The following TFRC variants were observed in gnomAD, a reference collection of about 807,000 sequenced individuals.
TFRC encodes the protein transferrin receptor protein 1.
TFRC carries 35 observed loss-of-function variants against 85.8 expected under a neutral mutation model. The ratio of observed to expected loss-of-function variants is 0.41; its 90% CI spans 0.31 to 0.54. TFRC has a LOEUF of 0.54. Among genes scored for constraint, TFRC ranks in the 20% least tolerant of loss-of-function variants. The pLI, the probability that TFRC is intolerant of heterozygous loss-of-function variation, is 0.31. For synonymous variants in TFRC, 362 were observed against 328.6 expected (o/e 1.10, Z -1.10); for missense variants, 828 against 921.5 (o/e 0.90, Z 1.31).
Position 196,075,175 on chromosome 3 carries a change from G to A in TFRC, c.222C>T (p.Ile74=), listed in dbSNP as rs745734170. The change falls in exon 3 of 19, where the codon ATC becomes ATT. Residue 74 remains isoleucine (I), a synonymous_variant. Transcript: ENST00000360110. Reference sequence around the variant, plus strand: ...CATTCTCACCAATCAAGAAAAAGACGATCACAGCAATAGTCCCATAGCAGA... The same window carrying A: ...CATTCTCACCAATCAAGAAAAAGACAATCACAGCAATAGTCCCATAGCAGA... ...GSICYGTIAV[I]VFFLIGFMIG... 3.7e-6 allele frequency: 6 copies of A among 1,613,408 alleles called. No homozygotes were observed. The highest frequency in any genetic ancestry group is 1.1e-5 in the South Asian group (1 of 91,070).
At chr3:196,073,793 C>A in intron 4 of TFRC, 137 bp downstream of exon 4, 1 of 884,672 alleles carries the variant, frequency 1.1e-6, no homozygotes, top group Non-Finnish European at 1.6e-6. Flanking sequence ...AGGCCCCTTC[C>A]CCTCTTTAGC....
chr3:196,064,495 C>T, intron 10 of TFRC, 67 bp from the exon 11 acceptor site: 1 of 1,465,348 alleles, frequency 6.8e-7, no homozygotes, highest in Non-Finnish European at 9.1e-7. Context: ...CTAGAATTAG[C>T]ACATCAGTAG....
chr3:196,078,016 C>T (rs1380920602), intron 1 of TFRC, among the ~76,000 whole-genome samples: 2 of 152,088 alleles, frequency 1.3e-5, no homozygotes, highest in South Asian at 2.1e-4. Flanking sequence ...ATAATCTAAG[C>T]GAAGTTAAAT....
rs1419480011 is a variant in TFRC, at chr3:196,050,351, T to G, written c.*1591A>C. On this transcript the variant is annotated 3_prime_UTR_variant, in exon 19 of 19. Coordinates refer to ENST00000360110, the MANE Select transcript of TFRC (RefSeq NM_001128148.3). ...TTGAATTTACCCACCCAATGCTTAATGACCACAAAATGTTTCTGCAACTAA... is the reference window on the plus strand; with the variant it reads ...TTGAATTTACCCACCCAATGCTTAAGGACCACAAAATGTTTCTGCAACTAA... 2 of 217,076 alleles carry G rather than the reference T, an allele frequency of 9.2e-6. No homozygotes were observed. The highest frequency in any genetic ancestry group is 9.3e-6 in the Non-Finnish European group (1 of 107,840). The allele number at this position is 217,076 out of a possible 1,614,324, so 13.4% of individuals were successfully genotyped here.
intron 1 of TFRC, among the ~76,000 whole-genome samples, chr3:196,078,299 C>T (rs964026120): frequency 1.3e-5 from 2 of 152,044 alleles, no homozygotes; most frequent in Non-Finnish European, 2.9e-5. Context: ...TAAACACACA[C>T]GGCACAAAGC....
At position 196,052,141 on chromosome 3, in the gene TFRC, G is replaced by A; in HGVS notation, c.2084C>T (p.Ser695Phe). Residue 695 changes from serine (S) to phenylalanine (F), a missense_variant, in exon 19 of 19, where the codon TCT becomes TTT. Ser to Phe is a radical substitution (Grantham distance 155, BLOSUM62 -2). Transcript: ENST00000360110. ...FLSPYVSPKE[S>F]PFRHVFWGSG... ...GCCCCAGAAGACATGTCGGAAAGGA[G>A]ACTCTTTTGGAGATACGTAGGGAGA... is the stretch of plus-strand genomic sequence containing the variant. 8 of 1,614,068 alleles carry A rather than the reference G, an allele frequency of 5.0e-6. No individual in the cohort carries two copies. Among genetic ancestry groups the A allele is most frequent in the Non-Finnish European group, 5.9e-6 (7 of 1,180,008 alleles).
chr3:196,073,839 T>C, intron 4 of TFRC, 91 bp downstream of exon 4: 1 of 1,330,730 alleles, frequency 7.5e-7, no homozygotes, highest in Admixed American at 2.6e-5. Context: ...TAACAAGCCA[T>C]TCCCCACAGT....
At chr3:196,069,637 G>A (rs887428040) in intron 6 of TFRC, 69 bp from the exon 7 acceptor site, 6 of 990,086 alleles carry the variant, frequency 6.1e-6, no homozygotes, top group African/African-American at 1.6e-5. Context: ...TGAGACAGAA[G>A]AGTGTTATAG....
Position 196,065,430 on chromosome 3 carries a change from G to GGC in TFRC, c.1198+12_1198+13insGC. The GGC allele has an allele frequency of 5.5e-6, 3 of 549,188 alleles. No homozygotes were observed. The highest frequency in any genetic ancestry group is 5.5e-5 in the Admixed American group (1 of 18,108). 34.0% of individuals were successfully genotyped at this position (549,188 alleles called of 1,614,324 possible). A position where few individuals can be genotyped will look rare whatever the true frequency, so the allele number is the denominator to read the frequency against. On this transcript the variant is annotated intron_variant, in intron 10 of 18. Transcript: ENST00000360110. The stretch of plus-strand genomic sequence containing the variant: ...AAAAAAGCGGGGCGGGGGGGGGGGG[G>GGC]GGCGGTCTTTACCTGGTTCTACAAA...
Position 196,075,213 on chromosome 3 carries a change from A to C in TFRC, c.184T>G (p.Cys62Gly), listed in dbSNP as rs759977022. The C allele has an allele frequency of 6.2e-7, 1 of 1,614,018 alleles. No homozygotes were observed. The highest frequency in any genetic ancestry group is 1.1e-5 in the South Asian group (1 of 91,070). ...TKANVTKPKR[C>G]SGSICYGTIA... Reference sequence around the variant, plus strand: ...GTCCCATAGCAGATACTTCCACTACACCTTTTTGGTTTTGTGACATTGGCC... The same window carrying C: ...GTCCCATAGCAGATACTTCCACTACCCCTTTTTGGTTTTGTGACATTGGCC... Residue 62 changes from cysteine to glycine, a missense_variant, in exon 3 of 19, where the codon TGT (cysteine) becomes GGT (glycine). Transcript: ENST00000360110.
chr3:196,053,601 G>C, intron 17 of TFRC, 43 bp from the exon 18 acceptor site: 1 of 1,608,084 alleles, frequency 6.2e-7, no homozygotes, highest in Non-Finnish European at 8.5e-7. Flanking sequence ...TATTTCTAAG[G>C]ACATTCTTTT....
At position 196,069,746 on chromosome 3, in the gene TFRC, C is replaced by A; in HGVS notation, c.688-178G>T. ...AAACTTTACAACTTTTAGGTCAGAG[C>A]TATTGGAATAAAATCAAGATTTTTG... On this transcript the variant is annotated intron_variant, in intron 6 of 18. Coordinates refer to ENST00000360110, the MANE Select transcript of TFRC (RefSeq NM_001128148.3). 2 of 497,300 alleles carry A rather than the reference C, an allele frequency of 4.0e-6. 1 individual carries two copies. Among genetic ancestry groups the A allele is most frequent in the South Asian group, 6.7e-5 (2 of 29,926 alleles). The allele number at this position is 497,300 out of a possible 1,614,324, so 30.8% of individuals were successfully genotyped here.
intron 16 of TFRC, among the ~76,000 whole-genome samples, chr3:196,056,664 AT>A (rs1716821231): frequency 6.6e-6 from 1 of 152,130 alleles, no homozygotes; most frequent in Admixed American, 6.6e-5. Context: ...GGCCTCCCAA[AT>A]GCTGGGATTA....
At chr3:196,053,923 C>T (rs1385953056) in intron 17 of TFRC, among the ~76,000 whole-genome samples, 1 of 152,156 alleles carries the variant, frequency 6.6e-6, no homozygotes, top group Non-Finnish European at 1.5e-5. Flanking sequence ...CCATTTTCAA[C>T]AGTTACAATT....
Position 196,058,366 on chromosome 3 carries a change from C to G in TFRC, c.1596-1G>C, listed in dbSNP as rs1302999622. 6.2e-7 allele frequency: 1 copy of G among 1,613,290 alleles called. No individual in the cohort carries two copies. The highest frequency in any genetic ancestry group is 8.5e-7 in the Non-Finnish European group (1 of 1,179,418). Reference sequence around the variant, plus strand: ...AGCATTGTCTAAAGTGAGTTTCTCACTGCAAAGACAAAGAATGTGTCTTTA... The same window carrying G: ...AGCATTGTCTAAAGTGAGTTTCTCAGTGCAAAGACAAAGAATGTGTCTTTA... On this transcript the variant is annotated splice_acceptor_variant, in intron 15 of 18. Coordinates refer to ENST00000360110, the MANE Select transcript of TFRC (RefSeq NM_001128148.3). LOFTEE classifies it high-confidence loss of function.
intron 1 of TFRC, among the ~76,000 whole-genome samples, chr3:196,077,333 A>T (rs1033929153): frequency 1.3e-5 from 2 of 151,760 alleles, no homozygotes; most frequent in African/African-American, 4.8e-5. Context: ...TTCTTTTTGT[A>T]GAGACAAGGT....
intron 1 of TFRC, among the ~76,000 whole-genome samples, chr3:196,079,161 G>T (rs1454331723): frequency 6.6e-6 from 1 of 152,070 alleles, no homozygotes; most frequent in Non-Finnish European, 1.5e-5. Context: ...CACTCCACCA[G>T]AACAGTAAGG....
chr3:196,051,959 T>C lies in TFRC; in HGVS notation c.2266A>G (p.Ile756Val). The change falls in exon 19 of 19, where the codon ATT becomes GTT. Residue 756 changes from isoleucine to valine, a missense_variant. Coordinates refer to ENST00000360110, the MANE Select transcript of TFRC (RefSeq NM_001128148.3). ...TATCACATTTAAAACTCATTGTCAA[T>C]GTCCCAAACGTCACCAGAGAGGGCA... ...ANALSGDVWD[I>V]DNEF 1 of 1,614,174 alleles carries C rather than the reference T, an allele frequency of 6.2e-7. No homozygotes were observed. Among genetic ancestry groups the C allele is most frequent in the East Asian group, 2.2e-5 (1 of 44,892 alleles).
intron 4 of TFRC, 110 bp downstream of exon 4, chr3:196,073,820 T>C: frequency 8.6e-7 from 1 of 1,163,494 alleles, no homozygotes. Flanking sequence ...TGACAAGTCT[T>C]GTCTTCTCTA....
Sources: allele counts gnomAD v4.1 joint callset (sites outside exome capture counted in the v4.1 genomes callset), GRCh38; gene constraint gnomAD v4.1.1; transcripts MANE v1.5; gene names NCBI Gene and HGNC (gene_info 2026-07-23, HGNC 2026-07-21).